Variants in GET4 observed in about 807,000 individuals in gnomAD.
GET4 encodes guided entry of tail-anchored proteins factor 4, also known as Golgi to ER traffic protein 4 homolog.
A neutral mutation model predicts 40.0 loss-of-function variants in GET4; 20 were observed. The ratio of observed to expected loss-of-function variants is 0.50; its 90% confidence interval spans 0.35 to 0.73. GET4 has a LOEUF of 0.73. GET4 is among the 30% of genes least tolerant of loss of function. GET4 has a pLI of 0.01. For missense variants in GET4, 557 were observed against 454.0 expected, an observed-to-expected ratio of 1.23 and a Z score of -2.06; for synonymous variants, 280 against 194.6, an observed-to-expected ratio of 1.44 and a Z score of -3.65.
chr7:892,224 G>A (rs555797904), intron 5 of GET4, 54 bp from the exon 6 acceptor site: 80 of 1,568,222 alleles, frequency 5.1e-5, no homozygotes, highest in East Asian at 4.3e-4. Context: ...GCGCCTGTGC[G>A]GGCAGAAGCT....
intron 5 of GET4, among the ~76,000 whole-genome samples, chr7:891,750 C>T (rs981562436): frequency 6.6e-6 from 1 of 152,382 alleles, no homozygotes; most frequent in East Asian, 1.9e-4. Context: ...CGGAGCTTTG[C>T]CAGGAGCTGG....
chr7:877,910 C>G (rs1356567929), intron 1 of GET4: 1 of 132,674 alleles, frequency 7.5e-6, no homozygotes, highest in East Asian at 2.2e-4. Flanking sequence ...TGCCCCTTGC[C>G]TCCCCCACCT....
intron 1 of GET4, chr7:880,508 G>A (rs1844062900): frequency 1.3e-5 from 2 of 152,280 alleles, no homozygotes; most frequent in Admixed American, 1.3e-4. Context: ...AGTGAAACGG[G>A]GGGTGATGAG....
At position 890,944 on chromosome 7, in the gene GET4, G is replaced by A. The variant is rs760544471; in HGVS notation, c.483G>A (p.Glu161=). 19 of 1,606,774 alleles carry A rather than the reference G, an allele frequency of 1.2e-5. No individual in the cohort carries two copies. The highest frequency in any genetic ancestry group is 2.7e-5 in the African/African-American group (2 of 74,748). The change falls in exon 5 of 9, where the codon GAG becomes GAA. Residue 161 remains glutamate (E), a synonymous_variant. Transcript: ENST00000265857. ...LTLWKEQNYC[E]SRYHFLHSAD... ...CCTTTGCAGAACAAAACTATTGTGA[G>A]TCGAGGTATCATTTTCTGCACTCAG...
intron 1 of GET4, chr7:880,625 C>A (rs1289895352): frequency 5.9e-5 from 9 of 152,264 alleles, no homozygotes; most frequent in Non-Finnish European, 1.2e-4. Flanking sequence ...AAAGCCTGGG[C>A]TTTGGGGTCA....
chr7:894,749 T>C (rs1844434537), intron 8 of GET4, among the ~76,000 whole-genome samples: 1 of 152,210 alleles, frequency 6.6e-6, no homozygotes, highest in Admixed American at 6.5e-5. Flanking sequence ...GCCACGGCCG[T>C]GTCTTTGTAT....
At chr7:889,427 T>C (rs1329517313) in intron 4 of GET4, among the ~76,000 whole-genome samples, 2 of 152,030 alleles carry the variant, frequency 1.3e-5, no homozygotes, top group Non-Finnish European at 2.9e-5. Flanking sequence ...ATCACACCCA[T>C]AGGTAAAGGT....
At chr7:891,162 G>A in intron 5 of GET4, 96 bp downstream of exon 5, 1 of 979,762 alleles carries the variant, frequency 1.0e-6, no homozygotes. Context: ...GAGCCGAGCT[G>A]CAGGATAAAC....
rs141243318 is a variant in GET4, at chr7:892,239, C to T, written c.606-39C>T. The T allele has an allele frequency of 8.7e-3, 13,764 of 1,579,950 alleles. 70 individuals carry two copies. Among genetic ancestry groups the T allele is most frequent in the Non-Finnish European group, 0.01 (11,789 of 1,152,382 alleles). ...GCGCCTGTGCGGGCAGAAGCTGTGTCCTCCAGCCCTTCCACCACCAGCATG... is the reference window on the plus strand; with the variant it reads ...GCGCCTGTGCGGGCAGAAGCTGTGTTCTCCAGCCCTTCCACCACCAGCATG... On this transcript the variant is annotated intron_variant, in intron 5 of 8. Coordinates refer to ENST00000265857, the MANE Select transcript of GET4 (RefSeq NM_015949.3).
Position 893,950 on chromosome 7 carries a change from T to C in GET4, c.874T>C (p.Ser292Pro). The C allele has an allele frequency of 6.2e-7, 1 of 1,604,974 alleles. No homozygotes were observed. The highest frequency in any genetic ancestry group is 8.5e-7 in the Non-Finnish European group (1 of 1,174,708). ...LFFGVPPKQT[S>P]SYGGLLGNLL... ...CTTCGGCGTCCCGCCCAAGCAGACG[T>C]CTTCCTACGGGGGCCTGCTCGGTAA... The change falls in exon 8 of 9, where the codon TCT becomes CCT. Residue 292 changes from serine (S) to proline (P), a missense_variant. Coordinates refer to ENST00000265857, the MANE Select transcript of GET4 (RefSeq NM_015949.3).
chr7:888,566 G>C (rs1179340512), intron 4 of GET4, among the ~76,000 whole-genome samples: 1 of 152,254 alleles, frequency 6.6e-6, no homozygotes, highest in African/African-American at 2.4e-5. Context: ...ACCCGGTCCT[G>C]GCTGTGTGCC....
rs1844180612 is a variant in GET4, at chr7:886,052, G to A, written c.156-4G>A. The A allele has an allele frequency of 1.3e-6, 2 of 1,582,088 alleles. No homozygotes were observed. The highest frequency in any genetic ancestry group is 8.7e-7 in the Non-Finnish European group (1 of 1,152,592). ...CGTGGCTCACGGTCTCCTCTCTGTG[G>A]CAGGTACATGTCCCAGAGCAAGCAC... On this transcript the variant is annotated splice_polypyrimidine_tract_variant and splice_region_variant and intron_variant, in intron 1 of 8. Transcript: ENST00000265857.
At chr7:894,550 G>GC (rs914860560) in intron 8 of GET4, among the ~76,000 whole-genome samples, 343 of 151,786 alleles carry the variant, frequency 2.3e-3, no homozygotes, top group Middle Eastern at 0.01. Context: ...CTCCCCGGAT[G>GC]CCCCCCCCAG....
chr7:894,196 T>C (rs1024381092), intron 8 of GET4, among the ~76,000 whole-genome samples: 1 of 151,748 alleles, frequency 6.6e-6, no homozygotes, highest in Non-Finnish European at 1.5e-5. Flanking sequence ...TCCCCATCCC[T>C]GAGGTGTCTT....
rs752211629 is a variant in GET4 at position 878,319 on chromosome 7, AGTT to A, written c.155+1523_155+1525del. ...GTCATACAGTTACTGCAGAATGTTC[AGTT>A]GTTCTGTGTGTGGCATTCTGTAAAT... On this transcript the variant is annotated intron_variant, in intron 1 of 8. Transcript: ENST00000265857. 4.4e-4 allele frequency: 205 copies of A among 471,070 alleles called. 1 individual carries two copies. The highest frequency in any genetic ancestry group is 1.3e-3 in the South Asian group (85 of 64,568). The allele number at this position is 471,070 out of a possible 1,614,324, so 29.2% of individuals were successfully genotyped here. A position where few individuals can be genotyped will look rare whatever the true frequency, so the allele number is the denominator to read the frequency against.
chr7:885,183 T>A (rs1014492021), intron 1 of GET4: 14 of 152,238 alleles, frequency 9.2e-5, no homozygotes, highest in African/African-American at 3.4e-4. Context: ...GATTAACTCG[T>A]TATGTATCTT....
At chr7:894,196 T>G (rs1024381092) in intron 8 of GET4, among the ~76,000 whole-genome samples, 1 of 151,748 alleles carries the variant, frequency 6.6e-6, no homozygotes, top group African/African-American at 2.4e-5. Flanking sequence ...TCCCCATCCC[T>G]GAGGTGTCTT....
Position 876,650 on chromosome 7 carries a change from C to A in GET4, c.5C>A (p.Ala2Glu). The A allele has an allele frequency of 7.9e-7, 1 of 1,261,652 alleles. No homozygotes were observed. 78.2% of individuals were successfully genotyped at this position (1,261,652 alleles called of 1,614,324 possible). A position where few individuals can be genotyped will look rare whatever the true frequency, so the allele number is the denominator to read the frequency against. MAAAAAMAEQES... is the reference protein window; with the variant it reads MEAAAAMAEQES... ...CCTGCGCGGAGCGCCGGCCCGATGGCGGCGGCGGCGGCGATGGCCGAGCAG... is the reference window on the plus strand; with the variant it reads ...CCTGCGCGGAGCGCCGGCCCGATGGAGGCGGCGGCGGCGATGGCCGAGCAG... Residue 2 changes from alanine to glutamate, a missense_variant, in exon 1 of 9, where the codon GCG (alanine) becomes GAG (glutamate). Ala to Glu is a moderately radical substitution (Grantham distance 107). Coordinates refer to ENST00000265857, the MANE Select transcript of GET4 (RefSeq NM_015949.3).
At chr7:887,235 G>T in intron 3 of GET4, 135 bp from the exon 4 acceptor site, 1 of 894,882 alleles carries the variant, frequency 1.1e-6, no homozygotes, top group South Asian at 1.3e-5. Context: ...GTGGTCCACG[G>T]CTCACTCAGG....
Sources: allele counts gnomAD v4.1 joint callset (sites outside exome capture counted in the v4.1 genomes callset), GRCh38; gene constraint gnomAD v4.1.1; transcripts MANE v1.5; gene names NCBI Gene and HGNC (gene_info 2026-07-23, HGNC 2026-07-21).